Variants in IREB2 observed in about 807,000 individuals in gnomAD.
IREB2 encodes iron responsive element binding protein 2, also known as iron-responsive element-binding protein 2.
A neutral mutation model predicts 118.8 loss-of-function variants in IREB2; 39 were observed. The observed-to-expected ratio is 0.33, with a 90% confidence interval of 0.25 to 0.43. IREB2 has a LOEUF of 0.43. Ranked by LOEUF, IREB2 falls within the 20% of genes least tolerant of loss-of-function variation. The pLI is 1.00. For missense variants in IREB2, 900 were observed against 1,147.3 expected, an observed-to-expected ratio of 0.78 and a Z score of 3.11; for synonymous variants, 372 against 392.2, an observed-to-expected ratio of 0.95 and a Z score of 0.61.
chr15:78,493,737 A>C (rs2051790856), intron 18 of IREB2, among the ~76,000 whole-genome samples, 172 bp from the exon 19 acceptor site: 1 of 152,100 alleles, frequency 6.6e-6, no homozygotes, highest in South Asian at 2.1e-4. Flanking sequence ...GAAGAAACGG[A>C]GCATCTGTTA....
chr15:78,498,137 C>T lies in IREB2; in HGVS notation c.2886C>T (p.Phe962=), dbSNP rs2051870634. The part of the protein sequence containing the change: ...GGLLNFVARK[F]S ...TATTAAACTTTGTGGCACGAAAATT[C>T]TCATAGTATCTACTTACCATAGATA... The change falls in exon 22 of 22, where the codon TTC becomes TTT. Residue 962 remains phenylalanine, a synonymous_variant. Coordinates refer to ENST00000258886, the MANE Select transcript of IREB2 (RefSeq NM_004136.4). 1 of 1,548,516 alleles carries T rather than the reference C, an allele frequency of 6.5e-7. No individual in the cohort carries two copies. Among genetic ancestry groups the T allele is most frequent in the Non-Finnish European group, 8.9e-7 (1 of 1,120,328 alleles).
chr15:78,480,789 C>T (rs2051556161), intron 10 of IREB2, among the ~76,000 whole-genome samples: 1 of 150,450 alleles, frequency 6.6e-6, no homozygotes. Context: ...ACAGGCAAAT[C>T]ATGAGGTCAG....
At chr15:78,439,570 T>C (rs528463993) in intron 1 of IREB2, among the ~76,000 whole-genome samples, 2 of 152,362 alleles carry the variant, frequency 1.3e-5, no homozygotes, top group South Asian at 2.1e-4. Context: ...GACTTTAAAT[T>C]AATCAAAATT....
chr15:78,453,921 G>A (rs2051065044), intron 2 of IREB2, among the ~76,000 whole-genome samples: 1 of 152,164 alleles, frequency 6.6e-6, no homozygotes, highest in African/African-American at 2.4e-5. Context: ...CAGTTTCTCT[G>A]CGTTGATGTT....
At chr15:78,477,344 T>G (rs565181581) in intron 9 of IREB2, among the ~76,000 whole-genome samples, 1 of 152,306 alleles carries the variant, frequency 6.6e-6, no homozygotes, top group South Asian at 2.1e-4. Flanking sequence ...CATCTCTGTT[T>G]CATGTCTTGA....
Position 78,484,825 on chromosome 15 carries a change from A to G in IREB2, c.1478A>G (p.Glu493Gly). ...KQKDIVSIHY[E>G]GSEYKLSHGS... ...AAGGATATTGTCTCCATTCATTATG[A>G]AGGAAGTGAATATAAGCTGTCTCAT... The change falls in exon 12 of 22, where the codon GAA becomes GGA. Residue 493 changes from glutamate to glycine, a missense_variant. By Grantham distance (98) the Glu-to-Gly change is moderately conservative. Transcript: ENST00000258886. The G allele has an allele frequency of 1.2e-6, 2 of 1,613,050 alleles. No individual in the cohort carries two copies. The highest frequency in any genetic ancestry group is 1.7e-6 in the Non-Finnish European group (2 of 1,179,106).
chr15:78,438,447 C>T (rs1281065129), intron 1 of IREB2, 91 bp downstream of exon 1: 17 of 1,434,916 alleles, frequency 1.2e-5, no homozygotes, highest in South Asian at 1.1e-4. Flanking sequence ...TGGAGTCGCT[C>T]GGCAGGCGCC....
Position 78,439,796 on chromosome 15 carries a change from A to G in IREB2, c.21A>G (p.Gly7=). The change falls in exon 2 of 22, where the codon GGA becomes GGG. Residue 7 remains glycine, a splice_region_variant and synonymous_variant. Transcript: ENST00000258886. ...ATGAAAATACAATTTTTTTTTCAGG[A>G]TACGCCTTTGAGTACCTTATTGAAA... MDAPKA[G]YAFEYLIETL... is the part of the protein sequence containing the mutation. 6.4e-7 allele frequency: 1 copy of G among 1,565,356 alleles called. No homozygotes were observed. Among genetic ancestry groups the G allele is most frequent in the Non-Finnish European group, 8.7e-7 (1 of 1,148,516 alleles).
At chr15:78,487,861 C>G in intron 14 of IREB2, 44 bp downstream of exon 14, 1 of 1,191,652 alleles carries the variant, frequency 8.4e-7, no homozygotes, top group Non-Finnish European at 1.2e-6. Flanking sequence ...ATTTTCTTAA[C>G]TATGTTTTGT....
In IREB2 at chr15:78,500,561, A is replaced by G. The variant is rs1555410310; in HGVS notation, c.*2418A>G. 2.0e-5 allele frequency: 3 copies of G among 149,682 alleles called. No individual in the cohort carries two copies. The highest frequency in any genetic ancestry group is 4.4e-5 in the Non-Finnish European group (3 of 67,526). The allele number at this position is 149,682 out of a possible 1,614,324, so 9.3% of individuals were successfully genotyped here. A position where few individuals can be genotyped will look rare whatever the true frequency, so the allele number is the denominator to read the frequency against. ...ACCAAAAAAAAAAAAAAAAAAAGGAAGTGTAATGTCAGACACACAAGAAAA... is the reference window on the plus strand; with the variant it reads ...ACCAAAAAAAAAAAAAAAAAAAGGAGGTGTAATGTCAGACACACAAGAAAA... On this transcript the variant is annotated 3_prime_UTR_variant, in exon 22 of 22. Transcript: ENST00000258886.
At chr15:78,452,837 C>G (rs900502747) in intron 2 of IREB2, among the ~76,000 whole-genome samples, 5 of 152,180 alleles carry the variant, frequency 3.3e-5, no homozygotes, top group Non-Finnish European at 7.3e-5. Flanking sequence ...TGTATGTTGG[C>G]AGGAGGCACC....
chr15:78,469,826 C>T (rs2051345502), intron 5 of IREB2, among the ~76,000 whole-genome samples: 1 of 152,170 alleles, frequency 6.6e-6, no homozygotes, highest in African/African-American at 2.4e-5. Context: ...TTCTAGTCAA[C>T]ACCCAGTCAC....
intron 20 of IREB2, among the ~76,000 whole-genome samples, chr15:78,495,875 A>G (rs1252381445): frequency 6.6e-6 from 1 of 152,218 alleles, no homozygotes; most frequent in Non-Finnish European, 1.5e-5. Context: ...TTTGGGGGAA[A>G]AAAGTCTTAA....
chr15:78,449,405 G>T lies in IREB2; in HGVS notation c.106+9524G>T, dbSNP rs531975747. On this transcript the variant is annotated intron_variant, in intron 2 of 21. Coordinates refer to ENST00000258886, the MANE Select transcript of IREB2 (RefSeq NM_004136.4). ...GTTACAGCAGGGGTTGCAAGCTCAT[G>T]TTTATAGGGATCAGAGAGGCAACGT... 2.0e-5 allele frequency among the ~76,000 whole-genome samples: 3 copies of T among 152,254 alleles called. No individual in the cohort carries two copies. The South Asian group carries it at 6.2e-4, about 32-fold the overall frequency.
At position 78,453,887 on chromosome 15, in the gene IREB2, A is replaced by C. The variant is rs140471467; in HGVS notation, c.107-9035A>C. Among the ~76,000 whole-genome samples, 61 of 152,356 alleles carry C rather than the reference A, an allele frequency of 4.0e-4. 1 individual carries two copies. The highest frequency in any genetic ancestry group is 3.9e-4 in the Admixed American group (6 of 15,298). On this transcript the variant is annotated intron_variant, in intron 2 of 21. Transcript: ENST00000258886. ...GAATAGTGAGGACCTGATTGAGGTT[A>C]TAATCATGTGTTTACATTAGTGCCA...
intron 2 of IREB2, among the ~76,000 whole-genome samples, chr15:78,448,475 A>T (rs1282353522): frequency 6.6e-6 from 1 of 152,198 alleles, no homozygotes; most frequent in Non-Finnish European, 1.5e-5. Flanking sequence ...AGAGAGAAAA[A>T]AAAGGTCAGA....
At chr15:78,471,278 C>A (rs2051372989) in intron 6 of IREB2, among the ~76,000 whole-genome samples, 1 of 152,138 alleles carries the variant, frequency 6.6e-6, no homozygotes, top group African/African-American at 2.4e-5. Context: ...CAAAGTGCTG[C>A]GATCACAGAC....
At chr15:78,457,856 G>A (rs1395234687) in intron 2 of IREB2, among the ~76,000 whole-genome samples, 2 of 151,782 alleles carry the variant, frequency 1.3e-5, no homozygotes, top group Non-Finnish European at 2.9e-5. Context: ...TAATTTCTGT[G>A]ATAATATTTT....
chr15:78,445,461 C>T (rs1249164340), intron 2 of IREB2, among the ~76,000 whole-genome samples: 1 of 152,128 alleles, frequency 6.6e-6, no homozygotes, highest in Non-Finnish European at 1.5e-5. Flanking sequence ...TTACCTTGGA[C>T]TAAAAAGAAC....
Sources: allele counts gnomAD v4.1 joint callset (sites outside exome capture counted in the v4.1 genomes callset), GRCh38; gene constraint gnomAD v4.1.1; transcripts MANE v1.5; gene names NCBI Gene and HGNC (gene_info 2026-07-23, HGNC 2026-07-21).